The following THSD7B variants were observed in gnomAD, a reference collection of about 807,000 sequenced individuals.
THSD7B encodes thrombospondin type 1 domain containing 7B.
THSD7B carries 138 observed loss-of-function variants against 213.6 expected under a neutral mutation model. The observed-to-expected ratio is 0.65, with a 90% CI of 0.56 to 0.74. The LOEUF (loss-of-function observed/expected upper bound fraction) is 0.74, where lower values mean the gene tolerates loss of function less well. Ranked by LOEUF, THSD7B falls within the 30% of genes least tolerant of loss-of-function variation. The pLI is 0.00. For synonymous variants in THSD7B, 742 were observed against 687.0 expected (o/e 1.08, Z -1.25); for missense variants, 1,931 against 1,991.5 (o/e 0.97, Z 0.58).
chr2:137,411,341 C>T (rs1686646917), intron 13 of THSD7B, among the ~76,000 whole-genome samples: 1 of 152,202 alleles, frequency 6.6e-6, no homozygotes, highest in South Asian at 2.1e-4. Flanking sequence ...AACTGGAATT[C>T]TCTAGCTGTA....
chr2:136,768,046 C>CT (rs1681439781), intron 1 of THSD7B, among the ~76,000 whole-genome samples: 1 of 152,160 alleles, frequency 6.6e-6, no homozygotes, highest in African/African-American at 2.4e-5. Context: ...TGTTTGAAGA[C>CT]TGACATTAAC....
At chr2:137,203,129 A>C (rs1474080698) in intron 7 of THSD7B, among the ~76,000 whole-genome samples, 1 of 152,014 alleles carries the variant, frequency 6.6e-6, no homozygotes, top group Non-Finnish European at 1.5e-5. Flanking sequence ...ACAGCCAAAA[A>C]CAGAAATCTG....
chr2:137,186,056 C>A (rs1475805467), intron 7 of THSD7B, among the ~76,000 whole-genome samples: 1 of 152,050 alleles, frequency 6.6e-6, no homozygotes, highest in Non-Finnish European at 1.5e-5. Context: ...CTGTTCATAT[C>A]CTTTGCCTAC....
At chr2:137,352,171 G>C (rs1054409841) in intron 12 of THSD7B, among the ~76,000 whole-genome samples, 2 of 151,652 alleles carry the variant, frequency 1.3e-5, no homozygotes, top group African/African-American at 4.8e-5. Context: ...AGGAGGAGGA[G>C]GAGGAGGAGG....
At chr2:137,218,984 A>G (rs1333478234) in intron 7 of THSD7B, among the ~76,000 whole-genome samples, 6 of 25,518 alleles carry the variant, frequency 2.4e-4, no homozygotes, top group Non-Finnish European at 4.9e-4. Context: ...GAGTTTGTGA[A>G]AAAAAAAATA....
intron 12 of THSD7B, among the ~76,000 whole-genome samples, chr2:137,280,599 C>T (rs1682983911): frequency 1.3e-5 from 2 of 152,108 alleles, no homozygotes; most frequent in South Asian, 4.1e-4. Context: ...TCTACACCAT[C>T]TCCAGAAAGA....
intron 6 of THSD7B, 126 bp from the exon 7 acceptor site, chr2:137,170,615 T>C: frequency 1.2e-6 from 1 of 825,866 alleles, no homozygotes; most frequent in Non-Finnish European, 1.8e-6. Flanking sequence ...ATAAAACACA[T>C]CAAGATAATA....
intron 5 of THSD7B, among the ~76,000 whole-genome samples, chr2:137,135,687 G>A (rs1049972092): frequency 6.6e-6 from 1 of 152,076 alleles, no homozygotes; most frequent in Non-Finnish European, 1.5e-5. Flanking sequence ...ACCAATGGTT[G>A]GTCCCTACTT....
intron 2 of THSD7B, among the ~76,000 whole-genome samples, chr2:136,928,642 T>G (rs1354990648): frequency 6.6e-6 from 1 of 152,212 alleles, no homozygotes; most frequent in East Asian, 1.9e-4. Flanking sequence ...GTATTTTACA[T>G]ATAAATTTAA....
chr2:136,992,362 C>T (rs150966953), intron 2 of THSD7B, among the ~76,000 whole-genome samples: 2 of 152,290 alleles, frequency 1.3e-5, no homozygotes, highest in African/African-American at 4.8e-5. Flanking sequence ...ACCATGGGAA[C>T]CAATTTAGAT....
intron 3 of THSD7B, among the ~76,000 whole-genome samples, chr2:137,075,465 G>A (rs551417949): frequency 3.5e-4 from 54 of 152,190 alleles, no homozygotes; most frequent in Middle Eastern, 3.4e-3. Flanking sequence ...CTCTGCATTG[G>A]TTATTCTAGT....
intron 12 of THSD7B, among the ~76,000 whole-genome samples, chr2:137,330,631 T>C (rs1684480719): frequency 6.6e-6 from 1 of 152,066 alleles, no homozygotes; most frequent in African/African-American, 2.4e-5. Context: ...GAGTTGTTCA[T>C]TCCCCCCGGT....
intron 15 of THSD7B, among the ~76,000 whole-genome samples, chr2:137,464,601 C>A (rs1282160895): frequency 6.6e-6 from 1 of 152,024 alleles, no homozygotes; most frequent in East Asian, 1.9e-4. Flanking sequence ...GCACTTTGTA[C>A]TAAGCATAAG....
intron 12 of THSD7B, among the ~76,000 whole-genome samples, chr2:137,395,854 C>G (rs1360354208): frequency 6.7e-6 from 1 of 148,742 alleles, no homozygotes; most frequent in Non-Finnish European, 1.5e-5. Flanking sequence ...TGTTATTGGT[C>G]TATTCAGAGA....
chr2:137,282,265 T>C (rs1047374903), intron 12 of THSD7B, among the ~76,000 whole-genome samples: 1 of 152,158 alleles, frequency 6.6e-6, no homozygotes, highest in Non-Finnish European at 1.5e-5. Flanking sequence ...GTTTTTTTCT[T>C]GTAAATTTGT....
At position 137,082,817 on chromosome 2, in the gene THSD7B, G is replaced by T. The variant is rs190862955; in HGVS notation, c.951-12056G>T. On this transcript the variant is annotated intron_variant, in intron 3 of 27. Transcript: ENST00000409968. ...AGATAAAGTCTGTTTTATTCTGAGA[G>T]TGGTACTGCATTTTAAATCTCTGTT... Among the ~76,000 whole-genome samples the T allele has an allele frequency of 1.7e-3, 265 of 152,212 alleles. 1 individual carries two copies. The highest frequency in any genetic ancestry group is 6.2e-3 in the African/African-American group (258 of 41,558).
At chr2:137,420,452 C>T (rs1686900332) in intron 14 of THSD7B, among the ~76,000 whole-genome samples, 1 of 152,160 alleles carries the variant, frequency 6.6e-6, no homozygotes, top group African/African-American at 2.4e-5. Flanking sequence ...TTTCCTGACT[C>T]CCCAACCCCT....
At chr2:137,387,836 TC>T (rs1685930295) in intron 12 of THSD7B, among the ~76,000 whole-genome samples, 1 of 152,140 alleles carries the variant, frequency 6.6e-6, no homozygotes, top group Non-Finnish European at 1.5e-5. Context: ...TGTCTACTCT[TC>T]CCTTCTATGC....
chr2:136,946,817 A>C (rs953785562), intron 2 of THSD7B, among the ~76,000 whole-genome samples: 1 of 152,190 alleles, frequency 6.6e-6, no homozygotes, highest in Non-Finnish European at 1.5e-5. Flanking sequence ...CTCCTGATGT[A>C]CTATTTGCTA....
Sources: allele counts gnomAD v4.1 joint callset (sites outside exome capture counted in the v4.1 genomes callset), GRCh38; gene constraint gnomAD v4.1.1; transcripts MANE v1.5; gene names NCBI Gene and HGNC (gene_info 2026-07-23, HGNC 2026-07-21).